The following LDB2 variants were observed in gnomAD, a reference collection of about 807,000 sequenced individuals.
LDB2 encodes the protein LIM domain binding 2.
Under a neutral mutation model 44.3 loss-of-function variants are expected in LDB2, and 12 were observed. The ratio of observed to expected loss-of-function variants is 0.27; its 90% CI spans 0.17 to 0.44. The LOEUF (loss-of-function observed/expected upper bound fraction) is 0.44. LDB2 is among the 20% of genes least tolerant of loss of function. The pLI, the probability that LDB2 is intolerant of heterozygous loss-of-function variation, is 1.00. For missense variants in LDB2, 344 were observed against 473.5 expected, an observed-to-expected ratio of 0.73 and a Z score of 2.54; for synonymous variants, 164 against 174.8, an observed-to-expected ratio of 0.94 and a Z score of 0.49.
At position 16,724,880 on chromosome 4, in the gene LDB2, T is replaced by C. The variant is rs189773520; in HGVS notation, c.235+34278A>G. Among the ~76,000 whole-genome samples the C allele has an allele frequency of 3.3e-5, 5 of 152,320 alleles. No homozygotes were observed. The East Asian group carries it at 9.7e-4, about 29-fold the overall frequency. On this transcript the variant is annotated intron_variant, in intron 2 of 7. Transcript: ENST00000304523. The stretch of plus-strand genomic sequence containing the variant: ...TCCCCAGTGCACATACACATTATTC[T>C]AGTCATTTAGTTAACTGATAGGCAT...
intron 1 of LDB2, among the ~76,000 whole-genome samples, chr4:16,824,206 A>C (rs1005062791): frequency 6.6e-6 from 1 of 152,148 alleles, no homozygotes; most frequent in Non-Finnish European, 1.5e-5. Flanking sequence ...ATTAGGGGAG[A>C]GATTGTGTGT....
At chr4:16,881,913 T>C (rs1297434804) in intron 1 of LDB2, among the ~76,000 whole-genome samples, 1 of 152,162 alleles carries the variant, frequency 6.6e-6, no homozygotes, top group Non-Finnish European at 1.5e-5. Context: ...GCAGTCTAAT[T>C]CCTCCTAAAA....
intron 2 of LDB2, among the ~76,000 whole-genome samples, chr4:16,665,125 A>G (rs545612035): frequency 2.6e-4 from 40 of 152,204 alleles, no homozygotes; most frequent in Non-Finnish European, 4.6e-4. Context: ...TGAGCAGAAA[A>G]GAGTAAAAAG....
chr4:16,587,095 G>A (rs1414361155), intron 4 of LDB2, among the ~76,000 whole-genome samples: 1 of 152,198 alleles, frequency 6.6e-6, no homozygotes, highest in African/African-American at 2.4e-5. Context: ...GTGCTAGGAA[G>A]CGTTTGTTCT....
chr4:16,769,055 G>T (rs1414960163), intron 1 of LDB2, among the ~76,000 whole-genome samples: 3 of 152,064 alleles, frequency 2.0e-5, no homozygotes, highest in African/African-American at 7.2e-5. Flanking sequence ...CTTCTTAGTT[G>T]TTTCAACATC....
chr4:16,716,649 A>G (rs1757131361), intron 2 of LDB2, among the ~76,000 whole-genome samples: 1 of 152,194 alleles, frequency 6.6e-6, no homozygotes, highest in African/African-American at 2.4e-5. Context: ...AAATTACAAA[A>G]TATGAAAACT....
intron 5 of LDB2, among the ~76,000 whole-genome samples, chr4:16,556,208 C>T (rs1016671749): frequency 1.3e-5 from 2 of 152,200 alleles, no homozygotes; most frequent in African/African-American, 4.8e-5. Context: ...CATCACTTCA[C>T]CCAACCATAA....
chr4:16,878,253 A>G (rs898061450), intron 1 of LDB2, among the ~76,000 whole-genome samples: 1 of 152,134 alleles, frequency 6.6e-6, no homozygotes, highest in African/African-American at 2.4e-5. Context: ...TATAGAGTGA[A>G]CATCATTAAA....
intron 2 of LDB2, among the ~76,000 whole-genome samples, chr4:16,596,138 A>G (rs1255359904): frequency 1.3e-5 from 2 of 152,184 alleles, no homozygotes; most frequent in Non-Finnish European, 2.9e-5. Context: ...AAGGGTTAGT[A>G]CTTTAAAAAT....
At position 16,637,622 on chromosome 4, in the gene LDB2, C is replaced by T. The variant is rs368457843; in HGVS notation, c.236-41747G>A. On this transcript the variant is annotated intron_variant, in intron 2 of 7. Transcript: ENST00000304523. ...TAGTAATTAATTGTAACAAAAGCTACCAAGAGAAGCCCTGGATGCTCAGAG... is the reference window on the plus strand; with the variant it reads ...TAGTAATTAATTGTAACAAAAGCTATCAAGAGAAGCCCTGGATGCTCAGAG... Among the ~76,000 whole-genome samples, 5 of 152,040 alleles carry T rather than the reference C, an allele frequency of 3.3e-5. No individual in the cohort carries two copies. The South Asian group carries it at 1.0e-3, about 32-fold the overall frequency.
intron 1 of LDB2, among the ~76,000 whole-genome samples, chr4:16,781,361 C>T (rs1773190832): frequency 6.6e-6 from 1 of 152,150 alleles, no homozygotes; most frequent in Non-Finnish European, 1.5e-5. Context: ...GAGCACTTAA[C>T]TGGGCATATG....
At chr4:16,548,833 C>T (rs1057447139) in intron 5 of LDB2, among the ~76,000 whole-genome samples, 4 of 152,156 alleles carry the variant, frequency 2.6e-5, no homozygotes, top group Admixed American at 6.5e-5. Context: ...ATGCAGAACA[C>T]ATTTCACAAG....
intron 1 of LDB2, among the ~76,000 whole-genome samples, chr4:16,893,560 G>A (rs537340373): frequency 6.4e-4 from 98 of 152,184 alleles, no homozygotes; most frequent in Non-Finnish European, 1.2e-3. Flanking sequence ...AGCTGAGAAG[G>A]GGTGAAAACC....
chr4:16,584,049 A>C (rs571291854), intron 5 of LDB2, among the ~76,000 whole-genome samples: 38 of 152,310 alleles, frequency 2.5e-4, no homozygotes, highest in African/African-American at 7.9e-4. Context: ...TCAGGAAATA[A>C]AGTAGCATTA....
intron 5 of LDB2, among the ~76,000 whole-genome samples, chr4:16,556,147 C>A (rs530052444): frequency 4.3e-4 from 65 of 152,318 alleles, no homozygotes; most frequent in African/African-American, 1.4e-3. Flanking sequence ...CACTCATAGA[C>A]TTATTATGTT....
intron 2 of LDB2, among the ~76,000 whole-genome samples, chr4:16,701,093 G>C (rs1753334074): frequency 6.6e-6 from 1 of 152,214 alleles, no homozygotes; most frequent in Non-Finnish European, 1.5e-5. Flanking sequence ...CTGCAAGGAA[G>C]TGATTGAAAT....
chr4:16,710,658 T>C (rs1003797761), intron 2 of LDB2, among the ~76,000 whole-genome samples: 3 of 151,794 alleles, frequency 2.0e-5, no homozygotes, highest in East Asian at 1.9e-4. Context: ...TTTAAGAAAA[T>C]ACAAAAAAAA....
intron 5 of LDB2, among the ~76,000 whole-genome samples, chr4:16,517,532 G>T (rs1467151465): frequency 6.6e-6 from 1 of 152,206 alleles, no homozygotes; most frequent in Non-Finnish European, 1.5e-5. Flanking sequence ...CAGCCTGCAT[G>T]CAGGCTTGCA....
intron 5 of LDB2, among the ~76,000 whole-genome samples, chr4:16,517,469 T>C (rs1047882591): frequency 6.6e-6 from 1 of 152,200 alleles, no homozygotes; most frequent in Non-Finnish European, 1.5e-5. Context: ...ACTGGACTTT[T>C]TCCCTTTGCC....
Sources: allele counts gnomAD v4.1 joint callset (sites outside exome capture counted in the v4.1 genomes callset), GRCh38; gene constraint gnomAD v4.1.1; transcripts MANE v1.5; gene names NCBI Gene and HGNC (gene_info 2026-07-23, HGNC 2026-07-21).